Variants in JMJD1C observed in about 807,000 individuals in gnomAD.
The protein encoded by JMJD1C is jumonji domain-containing protein 1C.
A neutral mutation model predicts 245.3 loss-of-function variants in JMJD1C; 31 were observed. The observed-to-expected ratio is 0.13, with a 90% confidence interval of 0.09 to 0.17. The LOEUF (loss-of-function observed/expected upper bound fraction) is 0.17, where lower values mean the gene tolerates loss of function less well. JMJD1C is among the 10% of genes least tolerant of loss of function. The probability of loss-of-function intolerance (pLI) is 1.00; values close to 1 mark genes in which losing one functional copy is unlikely to be tolerated. For missense variants in JMJD1C, 2,691 were observed against 3,000.2 expected (o/e 0.90, Z 2.41); for synonymous variants, 1,057 against 1,017.4 (o/e 1.04, Z -0.74).
intron 3 of JMJD1C, among the ~76,000 whole-genome samples, chr10:63,238,585 C>T (rs1264124805): frequency 1.3e-5 from 2 of 152,166 alleles, no homozygotes; most frequent in African/African-American, 2.4e-5. Context: ...TCGATGTAAA[C>T]TGTAACCTCT....
At chr10:63,294,931 A>T (rs372548248) in intron 2 of JMJD1C, among the ~76,000 whole-genome samples, 2 of 152,218 alleles carry the variant, frequency 1.3e-5, no homozygotes, top group South Asian at 4.1e-4. Context: ...AAAAGGCATT[A>T]TTGAAAATGT....
At chr10:63,288,801 C>A (rs527546203) in intron 2 of JMJD1C, among the ~76,000 whole-genome samples, 48 of 151,744 alleles carry the variant, frequency 3.2e-4, no homozygotes, top group African/African-American at 9.4e-4. Flanking sequence ...ATTGCTTGAA[C>A]CCGGGAGGCA....
At chr10:63,247,860 AAAACAAACAAAG>A (rs1852460093) in intron 3 of JMJD1C, among the ~76,000 whole-genome samples, 2 of 150,854 alleles carry the variant, frequency 1.3e-5, no homozygotes, top group Non-Finnish European at 2.9e-5. Flanking sequence ...AAAACAAAAC[AAAACAAACAAAG>A]AAGAGGAGGG....
chr10:63,402,004 C>CA (rs1712457723), intron 1 of JMJD1C, among the ~76,000 whole-genome samples: 1 of 151,964 alleles, frequency 6.6e-6, no homozygotes, highest in African/African-American at 2.4e-5. Flanking sequence ...CGTGGTGGTG[C>CA]ATGCCTGTAA....
At chr10:63,490,565 G>A (rs1236071620) in intron 1 of JMJD1C, among the ~76,000 whole-genome samples, 2 of 151,878 alleles carry the variant, frequency 1.3e-5, no homozygotes, top group Non-Finnish European at 2.9e-5. Context: ...ACAGATACGC[G>A]CCACCATGCC....
At chr10:63,384,670 T>C (rs1019215175) in intron 1 of JMJD1C, among the ~76,000 whole-genome samples, 1 of 152,186 alleles carries the variant, frequency 6.6e-6, no homozygotes, top group Non-Finnish European at 1.5e-5. Flanking sequence ...ACCTGCAAAG[T>C]AGATTTAAAA....
intron 3 of JMJD1C, among the ~76,000 whole-genome samples, chr10:63,250,224 C>G (rs1046726915): frequency 6.6e-6 from 1 of 151,998 alleles, no homozygotes; most frequent in Non-Finnish European, 1.5e-5. Context: ...TGCTATGTTG[C>G]CCAGGCTAGT....
At chr10:63,186,021 A>G (rs1282509905) in intron 19 of JMJD1C, among the ~76,000 whole-genome samples, 194 bp downstream of exon 19, 1 of 152,224 alleles carries the variant, frequency 6.6e-6, no homozygotes, top group Non-Finnish European at 1.5e-5. Context: ...TATAAACGGC[A>G]TCTTTAAGGT....
intron 1 of JMJD1C, among the ~76,000 whole-genome samples, chr10:63,400,961 A>G (rs1224786920): frequency 4.0e-5 from 6 of 151,760 alleles, no homozygotes; most frequent in African/African-American, 1.5e-4. Context: ...CCCGGGTTCA[A>G]GCAGTTCTCC....
chr10:63,402,689 T>C (rs1022381781), intron 1 of JMJD1C, among the ~76,000 whole-genome samples: 3 of 152,180 alleles, frequency 2.0e-5, no homozygotes, highest in African/African-American at 4.8e-5. Context: ...ATAATAAACA[T>C]ACTAGAAATT....
Position 63,219,963 on chromosome 10 carries a change from G to GT in JMJD1C, c.467dup (p.Asn156LysfsTer12). On this transcript the variant is annotated frameshift_variant, in exon 4 of 26. Transcript: ENST00000399262. LOFTEE classifies it high-confidence loss of function. ...GCTGCGGGTTGTCCCTGAGAACTGG[G>GT]TTTAGGCTGTCTATGTCGTCCTAGA... 1 of 1,613,098 alleles carries GT rather than the reference G, an allele frequency of 6.2e-7. No homozygotes were observed. The highest frequency in any genetic ancestry group is 8.5e-7 in the Non-Finnish European group (1 of 1,179,250).
chr10:63,230,779 C>A (rs539469457), intron 3 of JMJD1C, among the ~76,000 whole-genome samples: 117 of 150,426 alleles, frequency 7.8e-4, no homozygotes, highest in East Asian at 4.1e-3. Context: ...TCCCCCCCCC[C>A]AAAAAAAATA....
intron 1 of JMJD1C, among the ~76,000 whole-genome samples, chr10:63,481,977 C>T (rs1321744589): frequency 1.3e-5 from 2 of 152,196 alleles, no homozygotes; most frequent in African/African-American, 4.8e-5. Context: ...ACTCACTGTA[C>T]AGTACATTCC....
rs555878548 is a variant in JMJD1C, at chr10:63,207,692, T to C, written c.3977A>G (p.Lys1326Arg). The change falls in exon 10 of 26, where the codon AAA becomes AGA. Residue 1326 changes from lysine to arginine, a missense_variant. Physicochemically the swap from Lys to Arg is conservative, Grantham distance 26 (BLOSUM62 2). Transcript: ENST00000399262. Reference sequence around the variant, plus strand: ...TGAAGATCTTTCACTAACACGATCTTTAGAAGCTAACTGCATTGCTGGCAT... The same window carrying C: ...TGAAGATCTTTCACTAACACGATCTCTAGAAGCTAACTGCATTGCTGGCAT... ...DSMPAMQLASKDRVSERSSAG... is the reference protein window; with the variant it reads ...DSMPAMQLASRDRVSERSSAG... 1.2e-6 allele frequency: 2 copies of C among 1,614,176 alleles called. No homozygotes were observed. Among genetic ancestry groups the C allele is most frequent in the East Asian group, 4.5e-5 (2 of 44,888 alleles).
At chr10:63,226,927 G>T (rs1849361156) in intron 3 of JMJD1C, among the ~76,000 whole-genome samples, 1 of 151,610 alleles carries the variant, frequency 6.6e-6, no homozygotes, top group South Asian at 2.1e-4. Flanking sequence ...ATGTATTTAG[G>T]TGTAGTGGTG....
In JMJD1C at chr10:63,440,340, GAAAAAA is replaced by G. The variant is rs199670163; in HGVS notation, c.168+25149_168+25154del. Among the ~76,000 whole-genome samples, 54 of 89,770 alleles carry G rather than the reference GAAAAAA, an allele frequency of 6.0e-4. 1 individual carries two copies. Among genetic ancestry groups the G allele is most frequent in the African/African-American group, 1.6e-3 (45 of 27,454 alleles). The allele number at this position is 89,770 out of a possible 152,430, so 58.9% of individuals were successfully genotyped here. ...ACAAGAGCAACACTCTGTCTCAAAA[GAAAAAA>G]AAAAAAAATATATATATATAGAGAG... On this transcript the variant is annotated intron_variant, in intron 1 of 25. Transcript: ENST00000399262.
At chr10:63,307,145 G>C (rs1938365099) in intron 2 of JMJD1C, among the ~76,000 whole-genome samples, 1 of 151,810 alleles carries the variant, frequency 6.6e-6, no homozygotes, top group Non-Finnish European at 1.5e-5. Context: ...AAATAATTCT[G>C]AGGATTCGTC....
At chr10:63,296,539 T>C (rs1306039027) in intron 2 of JMJD1C, among the ~76,000 whole-genome samples, 2 of 152,112 alleles carry the variant, frequency 1.3e-5, no homozygotes, top group Non-Finnish European at 2.9e-5. Flanking sequence ...TGACATTAAA[T>C]AGACCATTAA....
At chr10:63,269,098 G>GT (rs1230650348) in intron 2 of JMJD1C, 6 of 985,316 alleles carry the variant, frequency 6.1e-6, no homozygotes, top group Non-Finnish European at 6.0e-6. Context: ...TACATAACCA[G>GT]TAAGATACTC....
Sources: gnomAD v4.1 joint callset for allele counts (sites outside exome capture counted in the v4.1 genomes callset) on GRCh38, gnomAD v4.1.1 for gene constraint, MANE v1.5 for transcripts, NCBI Gene and HGNC (gene_info 2026-07-23, HGNC 2026-07-21) for gene names.